The following CYRIB variants were observed in gnomAD, a reference collection of about 807,000 sequenced individuals.
CYRIB encodes the protein CYFIP related Rac1 interactor B.
Under a neutral mutation model 44.2 loss-of-function variants are expected in CYRIB, and 8 were observed. The observed-to-expected ratio is 0.18, with a 90% CI of 0.11 to 0.33. The LOEUF (loss-of-function observed/expected upper bound fraction) is 0.33, where lower values mean the gene tolerates loss of function less well. CYRIB is among the 10% of genes least tolerant of loss of function. The probability of loss-of-function intolerance (pLI) is 1.00; values close to 1 mark genes in which losing one functional copy is unlikely to be tolerated. For missense variants in CYRIB, 185 were observed against 382.8 expected (o/e 0.48, Z 4.31); for synonymous variants, 131 against 127.2 (o/e 1.03, Z -0.20).
chr8:129,989,741 C>A (rs1359976360), intron 1 of CYRIB, among the ~76,000 whole-genome samples: 1 of 150,966 alleles, frequency 6.6e-6, no homozygotes, highest in Admixed American at 6.6e-5. Context: ...GTGTGCTGCA[C>A]CCATTAACTC....
intron 1 of CYRIB, among the ~76,000 whole-genome samples, chr8:130,000,933 T>C (rs535817539): frequency 1.0e-3 from 158 of 152,264 alleles, no homozygotes; most frequent in Admixed American, 7.8e-4. Context: ...CCACCCAAAG[T>C]AGAAAATTAA....
rs2082368375 is a variant in CYRIB, at chr8:129,919,370, G to C, written c.-49-16020C>G. On this transcript the variant is annotated intron_variant, in intron 1 of 11. Coordinates refer to ENST00000519824, the Ensembl canonical transcript of CYRIB. ...AAAAACGTCCTCAAAACTCAACAAAGATCAGTTACAGACTCCCAATAGGCC... is the reference window on the plus strand; with the variant it reads ...AAAAACGTCCTCAAAACTCAACAAACATCAGTTACAGACTCCCAATAGGCC... Among the ~76,000 whole-genome samples, 3 of 152,118 alleles carry C rather than the reference G, an allele frequency of 2.0e-5. No individual in the cohort carries two copies. The South Asian group carries it at 6.2e-4, about 31-fold the overall frequency.
chr8:129,877,698 A>G (rs562278011), intron 3 of CYRIB, among the ~76,000 whole-genome samples: 17 of 135,688 alleles, frequency 1.3e-4, no homozygotes, highest in East Asian at 5.9e-4. Flanking sequence ...GTGTGTGTGT[A>G]TAAAATGATC....
chr8:129,898,171 CTT>C (rs1442448939), intron 2 of CYRIB, among the ~76,000 whole-genome samples: 2 of 151,346 alleles, frequency 1.3e-5, no homozygotes, highest in African/African-American at 2.4e-5. Flanking sequence ...GCAGTGGAAA[CTT>C]TTTTCCCTGT....
At chr8:129,939,122 G>A (rs2093329097) in intron 1 of CYRIB, among the ~76,000 whole-genome samples, 2 of 151,994 alleles carry the variant, frequency 1.3e-5, no homozygotes, top group Non-Finnish European at 2.9e-5. Flanking sequence ...AGGAGGGCTG[G>A]GTGTCGAGGC....
chr8:129,855,695 G>A, exon 6 of CYRIB: 1 of 1,613,818 alleles, frequency 6.2e-7, no homozygotes, highest in Non-Finnish European at 8.5e-7. Context: ...GATGCTGGGT[G>A]GGAGAATATG....
At chr8:129,863,839 C>A (rs2051595736) in intron 4 of CYRIB, among the ~76,000 whole-genome samples, 1 of 152,158 alleles carries the variant, frequency 6.6e-6, no homozygotes, top group Non-Finnish European at 1.5e-5. Flanking sequence ...CAGAAGTTAA[C>A]ATGTTCTTCA....
intron 2 of CYRIB, among the ~76,000 whole-genome samples, chr8:129,952,141 G>A (rs922532906): frequency 6.6e-6 from 1 of 152,218 alleles, no homozygotes; most frequent in African/African-American, 2.4e-5. Flanking sequence ...CACCTCCCAG[G>A]TTCAAGCGAT....
intron 1 of CYRIB, among the ~76,000 whole-genome samples, chr8:130,010,994 A>G (rs2097201039): frequency 1.4e-5 from 2 of 146,444 alleles, no homozygotes. Context: ...TTCTCTTCCA[A>G]CTCCTCCCTC....
chr8:129,879,498 A>G, intron 2 of CYRIB, 27 bp from the exon 5 acceptor site: 2 of 1,456,958 alleles, frequency 1.4e-6, no homozygotes, highest in Non-Finnish European at 1.9e-6. Flanking sequence ...GAGAAAAGAG[A>G]AAATATCCCT....
intron 2 of CYRIB, among the ~76,000 whole-genome samples, chr8:129,945,024 G>C (rs1469097601): frequency 1.3e-5 from 2 of 152,170 alleles, no homozygotes; most frequent in Non-Finnish European, 2.9e-5. Flanking sequence ...TATTTTGCAA[G>C]GGATGAGTTG....
At chr8:129,874,688 T>A (rs1248540123) in intron 3 of CYRIB, among the ~76,000 whole-genome samples, 1 of 152,142 alleles carries the variant, frequency 6.6e-6, no homozygotes, top group Non-Finnish European at 1.5e-5. Context: ...TAAAGGAGAC[T>A]ACTATGCTTT....
chr8:129,924,312 G>A (rs1298907970), intron 1 of CYRIB, among the ~76,000 whole-genome samples: 4 of 114,138 alleles, frequency 3.5e-5, no homozygotes, highest in Admixed American at 1.8e-4. Context: ...GGGGTGGCGG[G>A]GGGGGTGTTA....
intron 1 of CYRIB, among the ~76,000 whole-genome samples, chr8:129,906,998 G>C (rs1202670758): frequency 6.6e-6 from 1 of 152,194 alleles, no homozygotes; most frequent in Non-Finnish European, 1.5e-5. Flanking sequence ...TTACACTGTT[G>C]GTGGGACTGT....
intron 2 of CYRIB, chr8:129,948,604 A>T (rs1372170076): frequency 6.6e-6 from 1 of 152,242 alleles, no homozygotes; most frequent in Non-Finnish European, 1.5e-5. Flanking sequence ...GATGCCATAA[A>T]ATCATAGATG....
chr8:130,012,202 GA>G (rs879773949), intron 1 of CYRIB, among the ~76,000 whole-genome samples: 8 of 148,982 alleles, frequency 5.4e-5, no homozygotes, highest in East Asian at 2.0e-4. Context: ...CCAAAAGAAG[GA>G]AAAAAAAAAT....
At chr8:129,916,722 A>G (rs1257071540) in intron 1 of CYRIB, among the ~76,000 whole-genome samples, 3 of 152,212 alleles carry the variant, frequency 2.0e-5, no homozygotes, top group Non-Finnish European at 1.5e-5. Flanking sequence ...TTTTCATCCA[A>G]TAGTACACTG....
At chr8:129,951,869 A>G (rs1383519243) in intron 2 of CYRIB, among the ~76,000 whole-genome samples, 3 of 152,178 alleles carry the variant, frequency 2.0e-5, no homozygotes, top group African/African-American at 7.2e-5. Context: ...ACCTAAGCCC[A>G]TGACAGTAGG....
At chr8:129,940,175 C>T (rs1001490795), upstream of CYRIB, among the ~76,000 whole-genome samples, 1 of 152,204 alleles carries the variant, frequency 6.6e-6, no homozygotes, top group African/African-American at 2.4e-5. Context: ...TGACCTGCCT[C>T]TTGTCAGCGG....
Sources: allele counts gnomAD v4.1 joint callset (sites outside exome capture counted in the v4.1 genomes callset), GRCh38; gene constraint gnomAD v4.1.1; transcripts MANE v1.5; gene names NCBI Gene and HGNC (gene_info 2026-07-23, HGNC 2026-07-21).